The following LRRC4C variants were observed in gnomAD, a reference collection of about 807,000 sequenced individuals.
LRRC4C encodes leucine-rich repeat-containing protein 4C.
In LRRC4C, 5 loss-of-function variants were observed where a neutral mutation model predicts 33.6. The observed-to-expected ratio is 0.15, with a 90% CI of 0.08 to 0.31. The LOEUF (loss-of-function observed/expected upper bound fraction) is 0.31. LRRC4C is among the 10% of genes least tolerant of loss of function. The pLI is 1.00. For synonymous variants in LRRC4C, 329 were observed against 302.0 expected (o/e 1.09, Z -0.93); for missense variants, 560 against 796.7 (o/e 0.70, Z 3.58).
At chr11:41,133,608 C>T (rs1019476868) in intron 1 of LRRC4C, among the ~76,000 whole-genome samples, 4 of 151,668 alleles carry the variant, frequency 2.6e-5, no homozygotes, top group South Asian at 4.2e-4. Context: ...ACTCCCTCCA[C>T]TTTAGAGTTT....
At chr11:40,961,858 A>C (rs1850999298) in intron 1 of LRRC4C, among the ~76,000 whole-genome samples, 1 of 151,700 alleles carries the variant, frequency 6.6e-6, no homozygotes, top group Non-Finnish European at 1.5e-5. Flanking sequence ...AGAAACCTCC[A>C]CACCAGATGC....
intron 2 of LRRC4C, among the ~76,000 whole-genome samples, chr11:40,880,725 T>C (rs1458442039): frequency 6.6e-6 from 1 of 151,714 alleles, no homozygotes; most frequent in Admixed American, 6.6e-5. Context: ...GCAAATAATA[T>C]ATTCCAGTAT....
chr11:40,732,996 T>C (rs1310663375), intron 2 of LRRC4C, among the ~76,000 whole-genome samples: 1 of 150,758 alleles, frequency 6.6e-6, no homozygotes, highest in Non-Finnish European at 1.5e-5. Flanking sequence ...GATCCACATC[T>C]AGTAACTACC....
intron 2 of LRRC4C, among the ~76,000 whole-genome samples, chr11:40,916,256 A>T (rs1273618192): frequency 6.6e-6 from 1 of 152,244 alleles, no homozygotes; most frequent in Non-Finnish European, 1.5e-5. Flanking sequence ...ATGTATGTTT[A>T]TTGTGGCACT....
chr11:41,352,281 C>T (rs565306471), intron 1 of LRRC4C, among the ~76,000 whole-genome samples: 1 of 152,260 alleles, frequency 6.6e-6, no homozygotes, highest in Non-Finnish European at 1.5e-5. Context: ...AAGAACATTG[C>T]ATAATGATAA....
At chr11:40,519,540 G>A (rs1360540669) in intron 3 of LRRC4C, among the ~76,000 whole-genome samples, 1 of 152,104 alleles carries the variant, frequency 6.6e-6, no homozygotes, top group Non-Finnish European at 1.5e-5. Context: ...TAAACTAGAA[G>A]CGAATTAGTA....
chr11:40,969,759 A>G (rs1851596428), intron 1 of LRRC4C, among the ~76,000 whole-genome samples: 1 of 152,216 alleles, frequency 6.6e-6, no homozygotes, highest in Non-Finnish European at 1.5e-5. Context: ...TTTTATATAA[A>G]CACAGAAATT....
intron 2 of LRRC4C, among the ~76,000 whole-genome samples, chr11:40,818,832 T>G (rs544445057): frequency 6.6e-6 from 1 of 152,198 alleles, no homozygotes; most frequent in South Asian, 2.1e-4. Context: ...GTTAACCAAT[T>G]CATACCTAGC....
chr11:40,595,249 C>CA (rs11418341), intron 3 of LRRC4C, among the ~76,000 whole-genome samples: 36,834 of 150,332 alleles, frequency 0.25, 4,871 homozygotes, highest in East Asian at 0.5. Context: ...TAGAGATCTG[C>CA]AAAAAAAAAT....
intron 3 of LRRC4C, among the ~76,000 whole-genome samples, chr11:40,546,637 C>T (rs1159797249): frequency 1.3e-5 from 2 of 152,010 alleles, no homozygotes; most frequent in East Asian, 3.9e-4. Context: ...TAAATAGTTG[C>T]AATGCATACT....
chr11:40,350,753 G>A (rs889355956), intron 3 of LRRC4C, among the ~76,000 whole-genome samples: 1 of 151,844 alleles, frequency 6.6e-6, no homozygotes, highest in African/African-American at 2.4e-5. Context: ...TTATTTTTGT[G>A]TTCTCTTCAA....
At chr11:41,444,377 G>A (rs911087151) in intron 1 of LRRC4C, among the ~76,000 whole-genome samples, 2 of 152,142 alleles carry the variant, frequency 1.3e-5, no homozygotes, top group African/African-American at 4.8e-5. Flanking sequence ...ATAATCTTGA[G>A]ATGATTTAAG....
At chr11:40,555,384 T>G (rs1439397959) in intron 3 of LRRC4C, among the ~76,000 whole-genome samples, 1 of 152,220 alleles carries the variant, frequency 6.6e-6, no homozygotes, top group African/African-American at 2.4e-5. Flanking sequence ...ATTACTGGTA[T>G]CTTCAGAGTT....
intron 2 of LRRC4C, among the ~76,000 whole-genome samples, chr11:40,796,849 G>T (rs1486168987): frequency 6.6e-6 from 1 of 151,924 alleles, no homozygotes; most frequent in Non-Finnish European, 1.5e-5. Context: ...GTCTCACCCT[G>T]TTAGTCAGTC....
chr11:40,117,253 C>A (rs1414220670), intron 6 of LRRC4C, among the ~76,000 whole-genome samples: 1 of 152,092 alleles, frequency 6.6e-6, no homozygotes, highest in Non-Finnish European at 1.5e-5. Flanking sequence ...TTGGGGGTGA[C>A]CTCAGCTGTA....
At chr11:40,321,290 C>T (rs1945836095) in intron 3 of LRRC4C, among the ~76,000 whole-genome samples, 1 of 152,118 alleles carries the variant, frequency 6.6e-6, no homozygotes, top group Admixed American at 6.5e-5. Flanking sequence ...TTTCCTAAAA[C>T]TGAAGGGTTG....
intron 1 of LRRC4C, among the ~76,000 whole-genome samples, chr11:41,446,142 A>G (rs1955819185): frequency 6.6e-6 from 1 of 152,208 alleles, no homozygotes; most frequent in African/African-American, 2.4e-5. Context: ...GCAGTTGCAA[A>G]GATATCCATT....
chr11:40,936,464 A>C (rs1957905814), intron 1 of LRRC4C, among the ~76,000 whole-genome samples: 1 of 150,188 alleles, frequency 6.7e-6, no homozygotes, highest in Non-Finnish European at 1.5e-5. Context: ...CAGCCTCCCG[A>C]GTACTGGGAC....
intron 3 of LRRC4C, among the ~76,000 whole-genome samples, chr11:40,640,109 G>A (rs544177997): frequency 7.9e-5 from 12 of 152,260 alleles, no homozygotes; most frequent in Middle Eastern, 3.4e-3. Flanking sequence ...TGGGTAAATC[G>A]TGTATCACAC....
Sources: allele counts gnomAD v4.1 joint callset (sites outside exome capture counted in the v4.1 genomes callset), GRCh38; gene constraint gnomAD v4.1.1; transcripts MANE v1.5; gene names NCBI Gene and HGNC (gene_info 2026-07-23, HGNC 2026-07-21).